ACSL5: variants seen among roughly 807,000 people sequenced by gnomAD.
The protein encoded by ACSL5 is acyl-CoA synthetase long chain family member 5, also known as long-chain-fatty-acid--CoA ligase 5.
Under a neutral mutation model 84.9 loss-of-function variants are expected in ACSL5, and 50 were observed. The observed-to-expected ratio is 0.59, with a 90% CI of 0.47 to 0.75. ACSL5 has a LOEUF of 0.75. Among genes scored for constraint, ACSL5 ranks in the 30% least tolerant of loss-of-function variants. The probability of loss-of-function intolerance (pLI) is 0.00; values close to 1 mark genes in which losing one functional copy is unlikely to be tolerated. For missense variants in ACSL5, 775 were observed against 830.4 expected (o/e 0.93, Z 0.82); for synonymous variants, 280 against 300.7 (o/e 0.93, Z 0.71).
At chr10:112,389,317 C>T (rs1849512748) in intron 1 of ACSL5, among the ~76,000 whole-genome samples, 1 of 152,126 alleles carries the variant, frequency 6.6e-6, no homozygotes, top group African/African-American at 2.4e-5. Flanking sequence ...TCCAGTCATC[C>T]ATCCACAGGA....
At chr10:112,375,697 A>T (rs1274611682) in intron 1 of ACSL5, among the ~76,000 whole-genome samples, 2 of 152,216 alleles carry the variant, frequency 1.3e-5, no homozygotes, top group African/African-American at 4.8e-5. Context: ...ACCAAGGCGA[A>T]AGAATCGATT....
At chr10:112,410,320 G>A (rs1162117974) in intron 7 of ACSL5, 143 bp from the exon 8 acceptor site, 2 of 1,550,400 alleles carry the variant, frequency 1.3e-6, no homozygotes, top group Non-Finnish European at 8.7e-7. Flanking sequence ...CCTGAATGTT[G>A]GCTTCTGGTC....
At chr10:112,385,228 T>C (rs1356114274) in intron 1 of ACSL5, among the ~76,000 whole-genome samples, 2 of 152,214 alleles carry the variant, frequency 1.3e-5, no homozygotes, top group South Asian at 2.1e-4. Flanking sequence ...TGCCATTTTA[T>C]AGATGAGAAA....
intron 14 of ACSL5, among the ~76,000 whole-genome samples, chr10:112,420,712 T>C (rs532423959): frequency 6.6e-6 from 1 of 151,860 alleles, no homozygotes; most frequent in Non-Finnish European, 1.5e-5. Context: ...TTTTCTTTTC[T>C]TTTTTTTCTT....
At chr10:112,404,678 C>T (rs1843988793) in intron 4 of ACSL5, 27 bp from the exon 5 acceptor site, 1 of 1,608,212 alleles carries the variant, frequency 6.2e-7, no homozygotes, top group African/African-American at 1.3e-5. Flanking sequence ...TTCTCTCTCT[C>T]TCTCACCCCA....
At chr10:112,401,011 A>G (rs1218602092) in intron 3 of ACSL5, among the ~76,000 whole-genome samples, 1 of 152,160 alleles carries the variant, frequency 6.6e-6, no homozygotes, top group Non-Finnish European at 1.5e-5. Context: ...CCGTTGAAAT[A>G]GCTTCTCATG....
In ACSL5 at chr10:112,422,007, A is replaced by G. The variant is rs1231579499; in HGVS notation, c.1448A>G (p.Asn483Ser). Reference sequence around the variant, plus strand: ...AAGCTGGAAGATGTGGCTGACATGAACTACTTTACAGTGAATAATGAAGGA... The same window carrying G: ...AAGCTGGAAGATGTGGCTGACATGAGCTACTTTACAGTGAATAATGAAGGA... ...YVKLEDVADM[N>S]YFTVNNEGEV... The change falls in exon 16 of 21, where the codon AAC becomes AGC. Residue 483 changes from asparagine (N) to serine (S), a missense_variant. Coordinates refer to ENST00000354655, the MANE Select transcript of ACSL5 (RefSeq NM_203379.2). 6.2e-7 allele frequency: 1 copy of G among 1,614,258 alleles called. No homozygotes were observed. Among genetic ancestry groups the G allele is most frequent in the Admixed American group, 1.7e-5 (1 of 60,034 alleles).
chr10:112,420,451 C>T (rs577134305), intron 14 of ACSL5, among the ~76,000 whole-genome samples: 1 of 152,292 alleles, frequency 6.6e-6, no homozygotes, highest in Admixed American at 6.5e-5. Context: ...GCTATTTTGG[C>T]AGAGTCAAGT....
At chr10:112,414,366 T>C (rs1844266098) in intron 12 of ACSL5, among the ~76,000 whole-genome samples, 2 of 145,720 alleles carry the variant, frequency 1.4e-5, no homozygotes, top group Non-Finnish European at 3.0e-5. Context: ...TTTTTTTTTT[T>C]TTTTTTTGAG....
At chr10:112,417,588 G>A (rs987777328) in intron 13 of ACSL5, among the ~76,000 whole-genome samples, 1 of 151,996 alleles carries the variant, frequency 6.6e-6, no homozygotes, top group Non-Finnish European at 1.5e-5. Flanking sequence ...GCAATTTGAG[G>A]GGCTGAAGAA....
chr10:112,389,375 G>C (rs147667208), intron 1 of ACSL5, among the ~76,000 whole-genome samples: 309 of 152,290 alleles, frequency 2.0e-3, no homozygotes, highest in Non-Finnish European at 3.2e-3. Flanking sequence ...GTGGACAAAT[G>C]GGCATCCTGG....
chr10:112,413,272 G>A lies in ACSL5; in HGVS notation c.1048G>A (p.Ala350Thr), dbSNP rs778076895. 9.3e-6 allele frequency: 15 copies of A among 1,614,036 alleles called. No individual in the cohort carries two copies. Among genetic ancestry groups the A allele is most frequent in the East Asian group, 4.5e-5 (2 of 44,898 alleles). Residue 350 changes from alanine to threonine, a missense_variant, in exon 12 of 21, where the codon GCG becomes ACG. Physicochemically the swap from Ala to Thr is moderately conservative, Grantham distance 58. Coordinates refer to ENST00000354655, the MANE Select transcript of ACSL5 (RefSeq NM_203379.2). ...MKTLKPTLFP[A>T]VPRLLNRIYD... ...GACTTTGAAGCCCACATTGTTTCCC[G>A]CGGTGCCTCGACTCCTTAACAGGAT... is the stretch of plus-strand genomic sequence containing the variant.
chr10:112,399,957 G>A lies in ACSL5; in HGVS notation c.265+948G>A, dbSNP rs570766897. Among the ~76,000 whole-genome samples the A allele has an allele frequency of 2.6e-5, 4 of 152,286 alleles. No individual in the cohort carries two copies. In the East Asian group the frequency reaches 5.8e-4, roughly 22 times the overall value. On this transcript the variant is annotated intron_variant, in intron 3 of 20. Transcript: ENST00000354655. ...AATCTAAGTGTGTCTGTTTGACTTG[G>A]TTGTTCTATTTTAGGTTAGCTCGTA...
chr10:112,376,308 G>A (rs768105743), intron 1 of ACSL5: 3 of 1,614,032 alleles, frequency 1.9e-6, no homozygotes, highest in African/African-American at 1.3e-5. Context: ...CCTTCTGCCT[G>A]CATGGACGCT....
At chr10:112,413,700 G>A (rs1303560903) in intron 12 of ACSL5, among the ~76,000 whole-genome samples, 3 of 151,908 alleles carry the variant, frequency 2.0e-5, no homozygotes, top group Non-Finnish European at 4.4e-5. Context: ...ACTCCAGCCT[G>A]GGCAACAGAG....
At chr10:112,387,011 T>C (rs117969975) in intron 1 of ACSL5, among the ~76,000 whole-genome samples, 4,055 of 152,324 alleles carry the variant, frequency 0.027, 75 homozygotes, top group Non-Finnish European at 0.038. Flanking sequence ...TTTTAAATTT[T>C]GTTTTGTTTT....
rs148091884 is a variant in ACSL5, at chr10:112,405,849, A to G, written c.432+1043A>G. On this transcript the variant is annotated intron_variant, in intron 5 of 20. Transcript: ENST00000354655. ...AGCTAGAGAAACAAAAATGTCATTA[A>G]GAAAATGATAAGGAAGAGAAAATGT... is the stretch of plus-strand genomic sequence containing the variant. Among the ~76,000 whole-genome samples, 6 of 152,348 alleles carry G rather than the reference A, an allele frequency of 3.9e-5. No individual in the cohort carries two copies. The East Asian group carries it at 1.2e-3, about 29-fold the overall frequency.
At chr10:112,388,148 C>T (rs767052445) in intron 1 of ACSL5, among the ~76,000 whole-genome samples, 2 of 152,114 alleles carry the variant, frequency 1.3e-5, no homozygotes, top group Admixed American at 6.6e-5. Context: ...CCATGTTGGC[C>T]AGGCTGGTCT....
Position 112,417,868 on chromosome 10 carries a change from G to A in ACSL5, c.1241G>A (p.Arg414His), listed in dbSNP as rs750810266. 20 of 1,613,896 alleles carry A rather than the reference G, an allele frequency of 1.2e-5. No homozygotes were observed. The highest frequency in any genetic ancestry group is 6.7e-5 in the East Asian group (3 of 44,862). Residue 414 changes from arginine to histidine, a missense_variant, in exon 14 of 21, where the codon CGT becomes CAT. By Grantham distance (29) the Arg-to-His change is conservative (BLOSUM62 0). Transcript: ENST00000354655. ...KIQDSLGGRV[R>H]VIVTGAAPMS... The stretch of plus-strand genomic sequence containing the variant: ...CAGGACAGCCTGGGCGGAAGGGTTC[G>A]TGTAATTGTCACTGGAGCTGCCCCC...
Sources: gnomAD v4.1 joint callset for allele counts (sites outside exome capture counted in the v4.1 genomes callset) on GRCh38, gnomAD v4.1.1 for gene constraint, MANE v1.5 for transcripts, NCBI Gene and HGNC (gene_info 2026-07-23, HGNC 2026-07-21) for gene names.